Variants in PON2 observed in about 807,000 individuals in gnomAD.
PON2 encodes the protein paraoxonase 2.
In PON2, 27 loss-of-function variants were observed where a neutral mutation model predicts 36.6. That is an observed-to-expected ratio of 0.74 (90% CI 0.54 to 1.02). The LOEUF (loss-of-function observed/expected upper bound fraction) is 1.02. Ranked by LOEUF, PON2 falls within the 50% of genes least tolerant of loss-of-function variation. The pLI is 0.00. For synonymous variants in PON2, 149 were observed against 156.3 expected, an observed-to-expected ratio of 0.95 and a Z score of 0.35; for missense variants, 363 against 421.1, an observed-to-expected ratio of 0.86 and a Z score of 1.21.
intron 1 of PON2, among the ~76,000 whole-genome samples, chr7:95,430,236 G>A (rs183847347): frequency 3.2e-3 from 486 of 152,084 alleles, no homozygotes; most frequent in Non-Finnish European, 5.4e-3. Flanking sequence ...AAGTTGATGC[G>A]GTAGGATCAC....
intron 3 of PON2, among the ~76,000 whole-genome samples, chr7:95,414,033 C>A (rs1250851212): frequency 6.6e-6 from 1 of 152,150 alleles, no homozygotes; most frequent in African/African-American, 2.4e-5. Flanking sequence ...AGTATTTTTT[C>A]TCTTTTTAAA....
At chr7:95,434,740 G>T in intron 1 of PON2, 138 bp downstream of exon 1, 1 of 868,734 alleles carries the variant, frequency 1.2e-6, no homozygotes, top group Non-Finnish European at 1.7e-6. Context: ...GGGAGGGACA[G>T]CATTCAAAAA....
Position 95,409,339 on chromosome 7 carries a change from C to T in PON2, c.695+562G>A, listed in dbSNP as rs184427460. ...AAAAACAAAACAAAAAAAAAACACT[C>T]TCCTAGGGACTTTTTCTTTAAAAAA... On this transcript the variant is annotated intron_variant, in intron 6 of 8. Transcript: ENST00000222572. Among the ~76,000 whole-genome samples, 459 of 151,774 alleles carry T rather than the reference C, an allele frequency of 3.0e-3. 1 individual carries two copies. The highest frequency in any genetic ancestry group is 0.014 in the Middle Eastern group (4 of 294).
chr7:95,428,321 A>C (rs1005357876), intron 1 of PON2, among the ~76,000 whole-genome samples: 2 of 152,158 alleles, frequency 1.3e-5, no homozygotes, highest in Non-Finnish European at 2.9e-5. Flanking sequence ...CATTGGTGTC[A>C]CAATCATTCC....
chr7:95,418,149 TC>T (rs1216376463), intron 2 of PON2: 6 of 152,208 alleles, frequency 3.9e-5, no homozygotes, highest in African/African-American at 1.4e-4. Flanking sequence ...GGTTTTATCA[TC>T]GTGTATCCCC....
intron 2 of PON2, among the ~76,000 whole-genome samples, chr7:95,423,016 A>T (rs374870495): frequency 3.2e-4 from 48 of 152,306 alleles, no homozygotes; most frequent in African/African-American, 1.1e-3. Context: ...TCATACCATG[A>T]ACCATATCTA....
chr7:95,408,510 T>C (rs1271043063), intron 6 of PON2, among the ~76,000 whole-genome samples: 1 of 152,138 alleles, frequency 6.6e-6, no homozygotes, highest in Admixed American at 6.6e-5. Flanking sequence ...GCTTGGGTGA[T>C]TGGAAAGTTT....
rs765868340 is a variant in PON2, at chr7:95,412,387, G to A, written c.292C>T (p.Arg98Trp). 3.5e-5 allele frequency: 56 copies of A among 1,613,976 alleles called. No homozygotes were observed. Among genetic ancestry groups the A allele is most frequent in the South Asian group, 4.4e-5 (4 of 91,088 alleles). ...AACCCACGACTGATTCTTAATTCCCGTGCCCTTGGTTTTTCTTCTTTTAGA... is the reference window on the plus strand; with the variant it reads ...AACCCACGACTGATTCTTAATTCCCATGCCCTTGGTTTTTCTTCTTTTAGA... ...MDLKEEKPRA[R>W]ELRISRGFDL... The change falls in exon 4 of 9, where the codon CGG becomes TGG. Residue 98 changes from arginine to tryptophan, a missense_variant. Transcript: ENST00000222572.
intron 1 of PON2, among the ~76,000 whole-genome samples, chr7:95,428,198 G>A (rs12534274): frequency 0.28 from 42,511 of 152,068 alleles, 6,313 homozygotes; most frequent in East Asian, 0.48. Flanking sequence ...TCTGTTTTAG[G>A]TTCCTTTTGT....
At chr7:95,421,036 TG>T (rs1160637822) in intron 2 of PON2, among the ~76,000 whole-genome samples, 9 of 152,028 alleles carry the variant, frequency 5.9e-5, no homozygotes, top group Non-Finnish European at 4.4e-5. Context: ...GTATCCCAAA[TG>T]TGCTTCTAAT....
At chr7:95,421,313 G>T (rs1052006440) in intron 2 of PON2, among the ~76,000 whole-genome samples, 1 of 152,214 alleles carries the variant, frequency 6.6e-6, no homozygotes, top group Non-Finnish European at 1.5e-5. Flanking sequence ...ATGGCTGGTT[G>T]TGCCCTATTG....
At chr7:95,410,923 T>G (rs749469773) in intron 5 of PON2, among the ~76,000 whole-genome samples, 18 of 152,166 alleles carry the variant, frequency 1.2e-4, no homozygotes, top group Non-Finnish European at 2.2e-4. Flanking sequence ...AAGGAATGAT[T>G]GGAAGTTACA....
At chr7:95,434,805 C>T (rs1023964032) in intron 1 of PON2, 73 bp downstream of exon 1, 16 of 1,485,838 alleles carry the variant, frequency 1.1e-5, no homozygotes, top group Non-Finnish European at 1.4e-5. Context: ...CCCCAGCCTG[C>T]GCCCTCCCCG....
chr7:95,420,529 C>T (rs1185916400), intron 2 of PON2, among the ~76,000 whole-genome samples: 1 of 152,204 alleles, frequency 6.6e-6, no homozygotes, highest in Non-Finnish European at 1.5e-5. Flanking sequence ...AGAAGGCACA[C>T]ATCCTGTATG....
chr7:95,414,866 A>T (rs1028878075), intron 3 of PON2, among the ~76,000 whole-genome samples: 16 of 152,202 alleles, frequency 1.1e-4, no homozygotes, highest in African/African-American at 3.6e-4. Context: ...TTTAAAAACT[A>T]AATACATATA....
At chr7:95,426,198 C>A (rs942566087) in intron 1 of PON2, among the ~76,000 whole-genome samples, 6 of 151,746 alleles carry the variant, frequency 4.0e-5, no homozygotes, top group East Asian at 1.9e-4. Flanking sequence ...CAGCATCAGA[C>A]AATATACCCA....
chr7:95,426,067 A>G (rs1045059117), intron 1 of PON2, among the ~76,000 whole-genome samples: 3 of 152,086 alleles, frequency 2.0e-5, no homozygotes, highest in African/African-American at 7.2e-5. Flanking sequence ...GGACATAAAG[A>G]TGACGATGGT....
At chr7:95,418,829 C>G (rs992485269) in intron 2 of PON2, among the ~76,000 whole-genome samples, 2 of 152,074 alleles carry the variant, frequency 1.3e-5, no homozygotes, top group African/African-American at 2.4e-5. Flanking sequence ...TTCATCGGTT[C>G]TCTCTCTTTA....
intron 1 of PON2, among the ~76,000 whole-genome samples, chr7:95,431,484 A>G (rs1378076914): frequency 6.6e-6 from 1 of 151,786 alleles, no homozygotes; most frequent in East Asian, 1.9e-4. Flanking sequence ...CAGTGGCTCA[A>G]TCTTGGCTCA....
Sources: gnomAD v4.1 joint callset for allele counts (sites outside exome capture counted in the v4.1 genomes callset) on GRCh38, gnomAD v4.1.1 for gene constraint, MANE v1.5 for transcripts, NCBI Gene and HGNC (gene_info 2026-07-23, HGNC 2026-07-21) for gene names.